RNF216: variants seen among roughly 807,000 people sequenced by gnomAD.
The protein encoded by RNF216 is ring finger protein 216.
In RNF216, 72 loss-of-function variants were observed where a neutral mutation model predicts 110.8. That is an observed-to-expected ratio of 0.65 (90% CI 0.54 to 0.79). RNF216 has a LOEUF of 0.79. Ranked by LOEUF, RNF216 falls within the 30% of genes least tolerant of loss-of-function variation. RNF216 has a pLI of 0.00. For missense variants in RNF216, 1,342 were observed against 1,141.2 expected (o/e 1.18, Z -2.54); for synonymous variants, 495 against 407.5 (o/e 1.21, Z -2.59).
At position 5,680,821 on chromosome 7, in the gene RNF216, T is replaced by C. The variant is rs1371363697; in HGVS notation, c.2062-28311A>G. On this transcript the variant is annotated intron_variant, in intron 13 of 16. Transcript: ENST00000389902. The surrounding 1 kb of genome is among the most constrained non-coding windows in gnomAD (Gnocchi z 4.3). ...GACACAGCCACCCACTGGCTGCTCA[T>C]GCAACAAAACCCAATTCCTCCTTTC... 6.6e-6 allele frequency among the ~76,000 whole-genome samples: 1 copy of C among 152,150 alleles called. No homozygotes were observed. Among genetic ancestry groups the C allele is most frequent in the African/African-American group, 2.4e-5 (1 of 41,444 alleles).
chr7:5,762,583 T>C (rs1040060009), intron 1 of RNF216, among the ~76,000 whole-genome samples: 4 of 151,430 alleles, frequency 2.6e-5, no homozygotes, highest in African/African-American at 9.7e-5. Context: ...TCCCAGCTAG[T>C]CAGGAAGCTA....
chr7:5,770,856 G>T (rs556933395), intron 1 of RNF216, among the ~76,000 whole-genome samples: 1 of 151,450 alleles, frequency 6.6e-6, no homozygotes, highest in Non-Finnish European at 1.5e-5. Context: ...CGCCCAGGCC[G>T]GAGTGCAGTG....
chr7:5,751,650 G>C (rs1381796866), intron 3 of RNF216, among the ~76,000 whole-genome samples: 1 of 151,954 alleles, frequency 6.6e-6, no homozygotes, highest in African/African-American at 2.4e-5. Context: ...CTGTCTCCCT[G>C]TCCCAGCCTG....
chr7:5,768,669 T>TG (rs1259013415), intron 1 of RNF216, among the ~76,000 whole-genome samples: 2 of 151,206 alleles, frequency 1.3e-5, no homozygotes, highest in East Asian at 3.9e-4. Context: ...AACTTTGTTT[T>TG]TTTTTTTTTT....
At chr7:5,715,258 T>C in intron 10 of RNF216, 68 bp from the exon 11 acceptor site, 1 of 1,495,838 alleles carries the variant, frequency 6.7e-7, no homozygotes, top group East Asian at 2.3e-5. Flanking sequence ...TTGTCTCCCA[T>C]CCTCATCTCT....
At position 5,629,796 on chromosome 7, in the gene RNF216, C is replaced by T. The variant is rs532287071; in HGVS notation, c.2383-5671G>A. Among the ~76,000 whole-genome samples the T allele has an allele frequency of 5.4e-5, 7 of 128,772 alleles. No individual in the cohort carries two copies. The East Asian group carries it at 1.8e-3, about 32-fold the overall frequency. 84.5% of individuals were successfully genotyped at this position (128,772 alleles called of 152,430 possible). A position where few individuals can be genotyped will look rare whatever the true frequency, so the allele number is the denominator to read the frequency against. ...TAGCCGAGATGGTGCCACTGCACTC[C>T]AGCCTGGGCAACAGAGCAAGACTCT... On this transcript the variant is annotated intron_variant, in intron 15 of 16. Transcript: ENST00000389902.
chr7:5,704,085 G>A (rs1310625195), intron 13 of RNF216, among the ~76,000 whole-genome samples: 1 of 152,150 alleles, frequency 6.6e-6, no homozygotes, highest in Non-Finnish European at 1.5e-5. Flanking sequence ...TGAGAGCCTT[G>A]ACAAAAGCAT....
chr7:5,779,220 T>A (rs1796940958), intron 1 of RNF216, among the ~76,000 whole-genome samples: 1 of 152,176 alleles, frequency 6.6e-6, no homozygotes, highest in African/African-American at 2.4e-5. Flanking sequence ...TCATCAACTT[T>A]CGATCTGCCT....
intron 13 of RNF216, among the ~76,000 whole-genome samples, chr7:5,710,650 T>C (rs1431757677): frequency 6.6e-6 from 1 of 152,238 alleles, no homozygotes; most frequent in Non-Finnish European, 1.5e-5. Flanking sequence ...CTACTCAGCT[T>C]ATGAGCCTCC....
chr7:5,633,554 G>A (rs755102547), intron 15 of RNF216, among the ~76,000 whole-genome samples: 40 of 152,084 alleles, frequency 2.6e-4, no homozygotes, highest in Non-Finnish European at 5.0e-4. Flanking sequence ...CAGCCTGGGC[G>A]ACAGAGGGAG....
intron 7 of RNF216, among the ~76,000 whole-genome samples, chr7:5,726,176 C>T (rs1793740067): frequency 6.6e-6 from 1 of 151,952 alleles, no homozygotes; most frequent in African/African-American, 2.4e-5. Flanking sequence ...TACTCGGAGG[C>T]TAAGATAGGA....
intron 13 of RNF216, among the ~76,000 whole-genome samples, chr7:5,678,711 G>A (rs910264459): frequency 6.6e-6 from 1 of 152,220 alleles, no homozygotes; most frequent in African/African-American, 2.4e-5. Context: ...CTCCAAGCAC[G>A]CTTCCAGGAA....
At chr7:5,756,519 T>G (rs1158843250) in intron 2 of RNF216, among the ~76,000 whole-genome samples, 2 of 152,208 alleles carry the variant, frequency 1.3e-5, no homozygotes, top group African/African-American at 4.8e-5. Flanking sequence ...CTCAGCCTCC[T>G]GAGTAGCTGG....
At chr7:5,702,788 G>A (rs993108930) in intron 13 of RNF216, among the ~76,000 whole-genome samples, 1 of 152,218 alleles carries the variant, frequency 6.6e-6, no homozygotes, top group African/African-American at 2.4e-5. Flanking sequence ...CACAAGTAGA[G>A]TTAAAAATCC....
intron 13 of RNF216, among the ~76,000 whole-genome samples, chr7:5,676,782 G>A (rs1384478494): frequency 1.3e-5 from 2 of 152,268 alleles, no homozygotes; most frequent in African/African-American, 4.8e-5. Context: ...CCTGAGCCAC[G>A]ACACAGAAAA....
intron 13 of RNF216, among the ~76,000 whole-genome samples, chr7:5,684,900 T>C (rs1246677340): frequency 1.4e-5 from 1 of 72,576 alleles, no homozygotes; most frequent in South Asian, 4.3e-4. Context: ...GAGTCCTGCA[T>C]GGGGGGCTGG....
chr7:5,717,206 A>G (rs1305335299), intron 9 of RNF216, among the ~76,000 whole-genome samples: 1 of 152,172 alleles, frequency 6.6e-6, no homozygotes, highest in Non-Finnish European at 1.5e-5. Flanking sequence ...ATACAAAATT[A>G]GCTGGGCATG....
intron 13 of RNF216, among the ~76,000 whole-genome samples, chr7:5,684,263 C>T (rs1584446574): frequency 6.6e-6 from 1 of 152,068 alleles, no homozygotes; most frequent in East Asian, 1.9e-4. Context: ...CCACCACGCC[C>T]AGCTAATTTT....
At chr7:5,743,871 A>G (rs1794899142) in intron 3 of RNF216, among the ~76,000 whole-genome samples, 1 of 152,118 alleles carries the variant, frequency 6.6e-6, no homozygotes, top group Admixed American at 6.6e-5. Context: ...GGAGAGTTTA[A>G]CTCCCTGAAT....
Sources: allele counts gnomAD v4.1 joint callset (sites outside exome capture counted in the v4.1 genomes callset), GRCh38; gene constraint gnomAD v4.1.1; non-coding constraint Gnocchi (gnomAD v3.1); transcripts MANE v1.5; gene names NCBI Gene and HGNC (gene_info 2026-07-23, HGNC 2026-07-21).